The following SRGAP3 variants were observed in gnomAD, a reference collection of about 807,000 sequenced individuals.
SRGAP3 encodes the protein SLIT-ROBO Rho GTPase activating protein 3.
Under a neutral mutation model 121.1 loss-of-function variants are expected in SRGAP3, and 39 were observed. The observed-to-expected ratio is 0.32, with a 90% CI of 0.25 to 0.42. The LOEUF is 0.42. Ranked by LOEUF, SRGAP3 falls within the 10% of genes least tolerant of loss-of-function variation. SRGAP3 has a pLI of 1.00. For missense variants in SRGAP3, 1,213 were observed against 1,470.6 expected (o/e 0.82, Z 2.86); for synonymous variants, 601 against 570.0 (o/e 1.05, Z -0.77).
At chr3:9,257,183 G>A (rs1954149518) in intron 3 of SRGAP3, among the ~76,000 whole-genome samples, 1 of 152,132 alleles carries the variant, frequency 6.6e-6, no homozygotes, top group Non-Finnish European at 1.5e-5. Flanking sequence ...GCAATGGATT[G>A]AATGCTTGTG....
intron 3 of SRGAP3, among the ~76,000 whole-genome samples, chr3:9,275,963 G>T (rs1201983829): frequency 1.3e-5 from 2 of 152,236 alleles, no homozygotes; most frequent in Admixed American, 6.5e-5. Context: ...ACTACCAGAG[G>T]CTGAGGCAGG....
At chr3:8,987,618 C>T (rs190814870) in intron 21 of SRGAP3, among the ~76,000 whole-genome samples, 2 of 123,244 alleles carry the variant, frequency 1.6e-5, no homozygotes, top group Non-Finnish European at 3.0e-5. Context: ...TCTTGCTCCC[C>T]GCATTGTCAC....
intron 1 of SRGAP3, among the ~76,000 whole-genome samples, chr3:9,244,354 A>T (rs1194772440): frequency 6.6e-6 from 1 of 152,132 alleles, no homozygotes. Flanking sequence ...GAATAAATAC[A>T]TGCCCCTCTG....
intron 1 of SRGAP3, among the ~76,000 whole-genome samples, chr3:9,125,864 A>G (rs1028418424): frequency 2.0e-5 from 3 of 151,982 alleles, no homozygotes; most frequent in African/African-American, 7.3e-5. Context: ...ATTAGGTCCA[A>G]CTCCTCAGCA....
At chr3:9,110,540 C>T (rs1041527056) in intron 2 of SRGAP3, among the ~76,000 whole-genome samples, 7 of 152,236 alleles carry the variant, frequency 4.6e-5, no homozygotes, top group Non-Finnish European at 8.8e-5. Context: ...AGGGCCAAGC[C>T]GCGGTGGCGC....
Position 8,994,351 on chromosome 3 carries a change from T to A in SRGAP3, c.2400A>T (p.Val800=), listed in dbSNP as rs752618021. The change falls in exon 19 of 22, where the codon GTA becomes GTT. Residue 800 remains valine, a synonymous_variant. Transcript: ENST00000383836. Reference sequence around the variant, plus strand: ...TTCTCGACTCCACTCACATGTCCTGTACAACTATGTACTGATGGGGGATGA... The same window carrying A: ...TTCTCGACTCCACTCACATGTCCTGAACAACTATGTACTGATGGGGGATGA... ...DGLIPHQYIV[V]QDMDDAFSDS... 6.2e-7 allele frequency: 1 copy of A among 1,614,182 alleles called. No individual in the cohort carries two copies. Among genetic ancestry groups the A allele is most frequent in the Non-Finnish European group, 8.5e-7 (1 of 1,180,036 alleles).
At chr3:9,317,102 A>G (rs1341271713) in intron 3 of SRGAP3, among the ~76,000 whole-genome samples, 1 of 152,188 alleles carries the variant, frequency 6.6e-6, no homozygotes, top group African/African-American at 2.4e-5. Flanking sequence ...AAAAAGAAAA[A>G]GGGGCCAGCC....
chr3:9,282,487 G>GTTTTTA (rs1954697441), intron 3 of SRGAP3, among the ~76,000 whole-genome samples: 1 of 151,966 alleles, frequency 6.6e-6, no homozygotes, highest in African/African-American at 2.4e-5. Context: ...ATTTGTTTTT[G>GTTTTTA]TTTTTGTTTT....
At chr3:9,111,281 C>T (rs1948612692) in intron 2 of SRGAP3, among the ~76,000 whole-genome samples, 1 of 152,132 alleles carries the variant, frequency 6.6e-6, no homozygotes, top group African/African-American at 2.4e-5. Flanking sequence ...AGGGGGCTGG[C>T]CTGATTTGTG....
intron 18 of SRGAP3, among the ~76,000 whole-genome samples, chr3:9,004,470 T>G (rs1942947947): frequency 6.6e-6 from 1 of 152,222 alleles, no homozygotes; most frequent in African/African-American, 2.4e-5. Context: ...AAAACAATCT[T>G]GAAAACGAAG....
At chr3:9,168,374 G>A (rs1950866132) in intron 1 of SRGAP3, among the ~76,000 whole-genome samples, 1 of 152,338 alleles carries the variant, frequency 6.6e-6, no homozygotes, top group African/African-American at 2.4e-5. Flanking sequence ...TGATTGGTCA[G>A]AAGCAACCCC....
At chr3:9,146,304 C>T (rs1351546946) in intron 1 of SRGAP3, among the ~76,000 whole-genome samples, 1 of 152,216 alleles carries the variant, frequency 6.6e-6, no homozygotes, top group Non-Finnish European at 1.5e-5. Flanking sequence ...AGTTCACACA[C>T]AGCATTTCCC....
chr3:8,990,696 A>G lies in SRGAP3; in HGVS notation c.2702T>C (p.Leu901Pro), dbSNP rs1941993549. ...AGGGCTCTCGATCCTCCCCCGGGTG[A>G]GGGGGATTTTGTGGGGGCTGCTGGG... ...ACPSSPHKIP[L>P]TRGRIESPEK... The change falls in exon 21 of 22, where the codon CTC becomes CCC. Residue 901 changes from leucine to proline, a missense_variant. By Grantham distance (98) the Leu-to-Pro change is moderately conservative. Around this residue, in one of 2 missense-constraint regions of SRGAP3, gnomAD observed 420 missense variants for 437.7 expected, o/e 0.96. Transcript: ENST00000383836. The G allele has an allele frequency of 1.9e-6, 3 of 1,612,876 alleles. No homozygotes were observed. The highest frequency in any genetic ancestry group is 1.7e-4 in the Middle Eastern group (1 of 5,950).
At chr3:9,290,255 T>G (rs967857749) in intron 3 of SRGAP3, among the ~76,000 whole-genome samples, 1 of 152,138 alleles carries the variant, frequency 6.6e-6, no homozygotes, top group Admixed American at 6.6e-5. Context: ...TTTAATGGTT[T>G]TAAATGTTAT....
chr3:9,336,330 C>A (rs1211322532), intron 1 of SRGAP3, among the ~76,000 whole-genome samples: 1 of 152,050 alleles, frequency 6.6e-6, no homozygotes, highest in Non-Finnish European at 1.5e-5. Flanking sequence ...ATCCTCCTTC[C>A]TCAGCCTCCT....
At chr3:9,226,994 A>T (rs1031180241) in intron 1 of SRGAP3, among the ~76,000 whole-genome samples, 5 of 152,048 alleles carry the variant, frequency 3.3e-5, no homozygotes, top group East Asian at 1.9e-4. Context: ...GGTCAAAAAA[A>T]CCCACCTGCC....
chr3:9,044,287 C>G (rs951791836), intron 10 of SRGAP3, among the ~76,000 whole-genome samples: 3 of 152,154 alleles, frequency 2.0e-5, no homozygotes, highest in African/African-American at 7.2e-5. Flanking sequence ...TGGATAGTAC[C>G]AAATCCTACA....
At chr3:9,262,929 C>T (rs1954284422) in intron 3 of SRGAP3, among the ~76,000 whole-genome samples, 1 of 152,162 alleles carries the variant, frequency 6.6e-6, no homozygotes, top group Non-Finnish European at 1.5e-5. Context: ...TTCTTCTCTG[C>T]ACCAAATAGC....
At position 9,056,302 on chromosome 3, in the gene SRGAP3, C is replaced by A. The variant is rs1945819056; in HGVS notation, c.1056G>T (p.Gln352His). The A allele has an allele frequency of 1.9e-6, 3 of 1,613,682 alleles. No individual in the cohort carries two copies. The highest frequency in any genetic ancestry group is 2.2e-5 in the South Asian group (2 of 91,074). ...VCQVSAQQPV[Q>H]TELLMRYHQL... ...GGTGATAACGCATGAGCAGTTCTGT[C>A]TGGACGGGCTGCTGAGCGCTGACCT... is the stretch of plus-strand genomic sequence containing the variant. Residue 352 changes from glutamine to histidine, a missense_variant, in exon 8 of 22, where the codon CAG becomes CAT. Physicochemically the swap from Gln to His is conservative, Grantham distance 24. Coordinates refer to ENST00000383836, the MANE Select transcript of SRGAP3 (RefSeq NM_014850.4).
Sources: gnomAD v4.1 joint callset for allele counts (sites outside exome capture counted in the v4.1 genomes callset) on GRCh38, gnomAD v4.1.1 for gene constraint, gnomAD v4.1.1 regional missense constraint, MANE v1.5 for transcripts, NCBI Gene and HGNC (gene_info 2026-07-23, HGNC 2026-07-21) for gene names.